DPP6: variants seen among roughly 807,000 people sequenced by gnomAD.
DPP6 encodes the protein A-type potassium channel modulatory protein DPP6.
In DPP6, 69 loss-of-function variants were observed where a neutral mutation model predicts 122.6. The ratio of observed to expected loss-of-function variants is 0.56; its 90% confidence interval spans 0.46 to 0.69. DPP6 has a LOEUF of 0.69. Ranked by LOEUF, DPP6 falls within the 30% of genes least tolerant of loss-of-function variation. DPP6 has a pLI of 0.00. For missense variants in DPP6, 928 were observed against 1,116.9 expected (o/e 0.83, Z 2.41); for synonymous variants, 418 against 433.1 (o/e 0.97, Z 0.43).
chr7:154,704,082 A>G (rs1310983053), intron 7 of DPP6, among the ~76,000 whole-genome samples: 4 of 152,268 alleles, frequency 2.6e-5, no homozygotes, highest in Non-Finnish European at 5.9e-5. Context: ...CATATGCATT[A>G]GAGGAGGCCA....
intron 1 of DPP6, among the ~76,000 whole-genome samples, chr7:153,909,686 A>G (rs1438229660): frequency 2.0e-5 from 3 of 152,208 alleles, no homozygotes; most frequent in Middle Eastern, 6.3e-3. Context: ...GAAGGAGCTC[A>G]GGAAATGACA....
intron 2 of DPP6, among the ~76,000 whole-genome samples, chr7:154,460,284 A>G (rs1286543364): frequency 6.6e-6 from 1 of 152,160 alleles, no homozygotes; most frequent in Non-Finnish European, 1.5e-5. Context: ...GCCTGGCCTT[A>G]TTCATGTACT....
chr7:154,599,610 T>G (rs1246766244), intron 5 of DPP6, among the ~76,000 whole-genome samples: 2 of 151,992 alleles, frequency 1.3e-5, no homozygotes, highest in Admixed American at 1.3e-4. Flanking sequence ...CATGTTGGTG[T>G]GCTGCACCCA....
chr7:154,160,232 G>A (rs1796910657), intron 1 of DPP6, among the ~76,000 whole-genome samples: 1 of 152,054 alleles, frequency 6.6e-6, no homozygotes, highest in Non-Finnish European at 1.5e-5. Context: ...GTTTCTGGGT[G>A]TTCTTTGAGT....
chr7:154,883,309 C>T (rs1174700883), intron 21 of DPP6, among the ~76,000 whole-genome samples: 2 of 149,838 alleles, frequency 1.3e-5, no homozygotes, highest in Admixed American at 6.7e-5. Context: ...CTCACCCATA[C>T]ACCTGCTCAC....
intron 2 of DPP6, among the ~76,000 whole-genome samples, chr7:154,471,166 G>A (rs1288095621): frequency 3.3e-5 from 5 of 152,140 alleles, no homozygotes; most frequent in Non-Finnish European, 5.9e-5. Context: ...CAGGAGAATC[G>A]TTTGAATGTT....
At chr7:153,907,748 G>A (rs1799908604) in intron 1 of DPP6, among the ~76,000 whole-genome samples, 1 of 152,180 alleles carries the variant, frequency 6.6e-6, no homozygotes, top group Admixed American at 6.5e-5. Context: ...CTTTTCTCTG[G>A]GTTTCCAGCC....
intron 8 of DPP6, among the ~76,000 whole-genome samples, chr7:154,766,870 A>T (rs1795933890): frequency 6.6e-6 from 1 of 152,154 alleles, no homozygotes; most frequent in Non-Finnish European, 1.5e-5. Context: ...TAGAAATGAG[A>T]TACAAACAAC....
intron 1 of DPP6, among the ~76,000 whole-genome samples, chr7:154,374,676 A>G (rs1292843705): frequency 1.4e-5 from 2 of 147,412 alleles, no homozygotes; most frequent in Non-Finnish European, 3.0e-5. Context: ...CAATGGCACC[A>G]TCTCAGCTCA....
In DPP6 at chr7:153,944,776, A is replaced by G. The variant is rs557806471; in HGVS notation, c.51+57042A>G. 7.6e-4 allele frequency among the ~76,000 whole-genome samples: 113 copies of G among 147,900 alleles called. 1 individual carries two copies. In the South Asian group the frequency reaches 0.021, roughly 27 times the overall value. ...CTCTTGAGTAGCTGGGATTACAGGC[A>G]CACACCACCACGCCTGGCTAATTTT... On this transcript the variant is annotated intron_variant, in intron 1 of 25. Transcript: ENST00000404039.
intron 17 of DPP6, among the ~76,000 whole-genome samples, chr7:154,854,107 C>T (rs1199363495): frequency 6.6e-6 from 1 of 152,184 alleles, no homozygotes; most frequent in African/African-American, 2.4e-5. Flanking sequence ...ATCCTCTGAA[C>T]AGCCAGCTCA....
At chr7:154,458,794 C>A (rs1004553719) in intron 2 of DPP6, among the ~76,000 whole-genome samples, 2 of 152,208 alleles carry the variant, frequency 1.3e-5, no homozygotes, top group East Asian at 1.9e-4. Context: ...ATGAACTGGA[C>A]AACAACTGTG....
At chr7:154,289,697 G>T (rs1320391032) in intron 1 of DPP6, among the ~76,000 whole-genome samples, 2 of 152,178 alleles carry the variant, frequency 1.3e-5, no homozygotes, top group Non-Finnish European at 2.9e-5. Flanking sequence ...TAACACCTAG[G>T]CAGGACCACC....
chr7:154,125,811 G>A (rs1450877602), intron 1 of DPP6, among the ~76,000 whole-genome samples: 1 of 152,174 alleles, frequency 6.6e-6, no homozygotes, highest in Non-Finnish European at 1.5e-5. Flanking sequence ...GCCACAAACA[G>A]ATCATCTTCT....
intron 3 of DPP6, among the ~76,000 whole-genome samples, chr7:154,518,457 CTT>C (rs1447733908): frequency 6.6e-6 from 1 of 150,486 alleles, no homozygotes; most frequent in Non-Finnish European, 1.5e-5. Context: ...ATGACTCTGA[CTT>C]TGAGAACAAA....
At position 154,875,864 on chromosome 7, in the gene DPP6, C is replaced by T; in HGVS notation, c.1884-42C>T. 6.3e-7 allele frequency: 1 copy of T among 1,575,274 alleles called. No homozygotes were observed. The highest frequency in any genetic ancestry group is 1.4e-5 in the African/African-American group (1 of 73,994). ...GGCAGCTGCTAGACCAGCCGCCACCCACCACGCAGCAGGCCTGCTGAGCCC... is the reference window on the plus strand; with the variant it reads ...GGCAGCTGCTAGACCAGCCGCCACCTACCACGCAGCAGGCCTGCTGAGCCC... On this transcript the variant is annotated intron_variant, in intron 19 of 25. Transcript: ENST00000377770. The surrounding 1 kb of genome is among the most constrained non-coding windows in gnomAD (Gnocchi z 4.5).
intron 1 of DPP6, among the ~76,000 whole-genome samples, chr7:154,224,423 T>C (rs1211618259): frequency 1.3e-5 from 2 of 149,146 alleles, no homozygotes; most frequent in Non-Finnish European, 2.9e-5. Context: ...CAAGGATGAC[T>C]GCTAAGTTCT....
Position 154,305,770 on chromosome 7 carries a change from T to C in DPP6, c.244-140444T>C, listed in dbSNP as rs10251958. ...CTGGAGTCTGCGGCTCTCCTCTCCC[T>C]GGCTTCTCTCTCTAAAGGGCGCCCT... is the stretch of plus-strand genomic sequence containing the variant. On this transcript the variant is annotated intron_variant, in intron 1 of 25. Transcript: ENST00000377770. Among the ~76,000 whole-genome samples, 13,166 of 152,050 alleles carry C rather than the reference T, an allele frequency of 0.087. 658 individuals are homozygous for C. Among genetic ancestry groups the C allele is most frequent in the African/African-American group, 0.14 (5,871 of 41,430 alleles).
At chr7:153,767,456 C>A in the DPP6 span, among the ~76,000 whole-genome samples, 1 of 152,056 alleles carries the variant, frequency 6.6e-6, no homozygotes, top group Non-Finnish European at 1.5e-5. Context: ...CAACCTCTGT[C>A]TCCCAGGTTC....
Sources: allele counts gnomAD v4.1 joint callset (sites outside exome capture counted in the v4.1 genomes callset), GRCh38; gene constraint gnomAD v4.1.1; non-coding constraint Gnocchi (gnomAD v3.1); transcripts MANE v1.5; gene names NCBI Gene and HGNC (gene_info 2026-07-23, HGNC 2026-07-21).